SENP6: variants seen among roughly 807,000 people sequenced by gnomAD.
The protein encoded by SENP6 is SUMO specific peptidase 6.
In SENP6, 41 loss-of-function variants were observed where a neutral mutation model predicts 134.5. The ratio of observed to expected loss-of-function variants is 0.30; its 90% confidence interval spans 0.24 to 0.40. SENP6 has a LOEUF of 0.40. Ranked by LOEUF, SENP6 falls within the 10% of genes least tolerant of loss-of-function variation. The pLI is 1.00. For missense variants in SENP6, 1,248 were observed against 1,312.5 expected, an observed-to-expected ratio of 0.95 and a Z score of 0.76; for synonymous variants, 395 against 429.8, an observed-to-expected ratio of 0.92 and a Z score of 1.00.
chr6:75,692,796 A>G (rs1289786385), intron 16 of SENP6, among the ~76,000 whole-genome samples: 3 of 151,752 alleles, frequency 2.0e-5, no homozygotes, highest in Non-Finnish European at 2.9e-5. Context: ...CCCGCCAAAA[A>G]AAAAAAATCT....
In SENP6 at chr6:75,618,824, TCTA is replaced by T. The variant is rs546838861; in HGVS notation, c.53-2704_53-2702del. ...ACAGGGAGAAACCTTGTTTCCATCATCTACTATTTATTTACTTATGTTTTCAAT... is the reference window on the plus strand; with the variant it reads ...ACAGGGAGAAACCTTGTTTCCATCATCTATTTATTTACTTATGTTTTCAAT... On this transcript the variant is annotated intron_variant, in intron 1 of 23. Transcript: ENST00000447266. Among the ~76,000 whole-genome samples, 58 of 152,332 alleles carry T rather than the reference TCTA, an allele frequency of 3.8e-4. No homozygotes were observed. The East Asian group carries it at 0.01, about 27-fold the overall frequency.
intron 19 of SENP6, among the ~76,000 whole-genome samples, chr6:75,704,894 C>G (rs1044215548): frequency 6.6e-6 from 1 of 152,178 alleles, no homozygotes; most frequent in South Asian, 2.1e-4. Context: ...AGCCCTAGAT[C>G]CCTTAAACCT....
At chr6:75,614,034 T>C (rs1358630050) in intron 1 of SENP6, among the ~76,000 whole-genome samples, 1 of 152,198 alleles carries the variant, frequency 6.6e-6, no homozygotes, top group Non-Finnish European at 1.5e-5. Flanking sequence ...GGTGGTTATT[T>C]TGTAGTTTAA....
chr6:75,669,604 A>G (rs967015298), intron 10 of SENP6, among the ~76,000 whole-genome samples: 1 of 152,214 alleles, frequency 6.6e-6, no homozygotes, highest in African/African-American at 2.4e-5. Context: ...AATTAAAATT[A>G]CATACCTATA....
In SENP6 at chr6:75,634,703, G is replaced by T. The variant is rs576175671; in HGVS notation, c.354-4G>T. ...AAGTTATTTTTTGTTTCTTGAATCT[G>T]CAGTGAAAATACGCAAAATACGTCA... On this transcript the variant is annotated splice_polypyrimidine_tract_variant and splice_region_variant and intron_variant, in intron 4 of 23. Coordinates refer to ENST00000447266, the MANE Select transcript of SENP6 (RefSeq NM_015571.4). 1.3e-6 allele frequency: 2 copies of T among 1,516,020 alleles called. No individual in the cohort carries two copies. Among genetic ancestry groups the T allele is most frequent in the East Asian group, 2.3e-5 (1 of 43,212 alleles). 93.9% of individuals were successfully genotyped at this position (1,516,020 alleles called of 1,614,324 possible). A position where few individuals can be genotyped will look rare whatever the true frequency, so the allele number is the denominator to read the frequency against.
At chr6:75,713,428 ATTGT>A in intron 21 of SENP6, 81 bp from the exon 22 acceptor site, 3 of 1,141,346 alleles carry the variant, frequency 2.6e-6, no homozygotes, top group Non-Finnish European at 1.3e-6. Flanking sequence ...TTTAAATTTG[ATTGT>A]TTATAATATG....
chr6:75,646,819 G>C (rs1770483952), intron 6 of SENP6: 1 of 149,946 alleles, frequency 6.7e-6, no homozygotes. Flanking sequence ...CTGGGCGACA[G>C]AGCGAGACTC....
intron 3 of SENP6, among the ~76,000 whole-genome samples, chr6:75,624,729 T>C (rs1582695167): frequency 6.6e-6 from 1 of 152,344 alleles, no homozygotes; most frequent in East Asian, 1.9e-4. Flanking sequence ...ATATTATTCA[T>C]AGGAATTATT....
chr6:75,642,882 C>T (rs1770134950), intron 6 of SENP6, among the ~76,000 whole-genome samples: 1 of 152,140 alleles, frequency 6.6e-6, no homozygotes, highest in African/African-American at 2.4e-5. Context: ...AAAACTATCT[C>T]AGCAAGGTCT....
Position 75,641,745 on chromosome 6 carries a change from A to G in SENP6, c.479+1041A>G, listed in dbSNP as rs560056327. On this transcript the variant is annotated intron_variant, in intron 6 of 23. Coordinates refer to ENST00000447266, the MANE Select transcript of SENP6 (RefSeq NM_015571.4). ...ATAATCTTAGTACTTTGGGAGGGCA[A>G]AGCGGGAGTATCTCTTGAGCCCAGG... is the stretch of plus-strand genomic sequence containing the variant. 9.5e-4 allele frequency among the ~76,000 whole-genome samples: 145 copies of G among 152,280 alleles called. 1 individual carries two copies. Among genetic ancestry groups the G allele is most frequent in the Admixed American group, 1.6e-3 (24 of 15,284 alleles).
intron 6 of SENP6, among the ~76,000 whole-genome samples, chr6:75,644,748 G>A (rs1423423099): frequency 6.6e-6 from 1 of 152,208 alleles, no homozygotes; most frequent in Non-Finnish European, 1.5e-5. Flanking sequence ...GCCTCCCAAA[G>A]TGTTGGGATT....
intron 5 of SENP6, 150 bp from the exon 6 acceptor site, chr6:75,640,534 A>G: frequency 2.9e-6 from 1 of 347,270 alleles, no homozygotes; most frequent in East Asian, 4.5e-5. Flanking sequence ...GACATGACTC[A>G]AAACATAGTA....
Position 75,715,568 on chromosome 6 carries a change from C to A in SENP6, c.3313C>A (p.Gln1105Lys). ...TEAPLGEGTE[Q>K]YVNSISD is the part of the protein sequence containing the mutation. Reference sequence around the variant, plus strand: ...AGCACCTTTAGGCGAAGGAACAGAACAATATGTCAATAGTATCTCAGATTG... The same window carrying A: ...AGCACCTTTAGGCGAAGGAACAGAAAAATATGTCAATAGTATCTCAGATTG... Residue 1105 changes from glutamine (Q) to lysine (K), a missense_variant, in exon 24 of 24, where the codon CAA becomes AAA. Around this residue, in one of 3 missense-constraint regions of SENP6, gnomAD observed 386 missense variants for 395.0 expected, o/e 0.98. Coordinates refer to ENST00000447266, the MANE Select transcript of SENP6 (RefSeq NM_015571.4). 1 of 1,611,622 alleles carries A rather than the reference C, an allele frequency of 6.2e-7. No homozygotes were observed. The highest frequency in any genetic ancestry group is 8.5e-7 in the Non-Finnish European group (1 of 1,178,324).
intron 16 of SENP6, among the ~76,000 whole-genome samples, chr6:75,689,446 T>G (rs933739932): frequency 6.6e-6 from 1 of 151,956 alleles, no homozygotes; most frequent in African/African-American, 2.4e-5. Context: ...AAATAAGTGT[T>G]GATGAGGATG....
At chr6:75,667,746 C>CG (rs2149870617) in intron 10 of SENP6, among the ~76,000 whole-genome samples, 1 of 152,256 alleles carries the variant, frequency 6.6e-6, no homozygotes, top group South Asian at 2.1e-4. Flanking sequence ...TTCCCCAGTA[C>CG]GTAAGGCTTT....
chr6:75,670,695 T>A lies in SENP6; in HGVS notation c.1367T>A (p.Phe456Tyr), dbSNP rs1294545371. Residue 456 changes from phenylalanine to tyrosine, a missense_variant, in exon 11 of 24, where the codon TTC (phenylalanine) becomes TAC (tyrosine). Coordinates refer to ENST00000447266, the MANE Select transcript of SENP6 (RefSeq NM_015571.4). ...NCRSIRVGTL[F>Y]RLLIEPVIFC... Reference sequence around the variant, plus strand: ...CGAAGTATACGAGTAGGAACACTCTTCCGGCTGTTAATAGAGCCTGTAATT... The same window carrying A: ...CGAAGTATACGAGTAGGAACACTCTACCGGCTGTTAATAGAGCCTGTAATT... 6.2e-7 allele frequency: 1 copy of A among 1,611,004 alleles called. No homozygotes were observed. The highest frequency in any genetic ancestry group is 8.5e-7 in the Non-Finnish European group (1 of 1,178,172).
At chr6:75,651,122 T>A (rs932910960) in intron 7 of SENP6, among the ~76,000 whole-genome samples, 1 of 152,138 alleles carries the variant, frequency 6.6e-6, no homozygotes, top group African/African-American at 2.4e-5. Context: ...GCTTTAAAAA[T>A]TTTTTCTAAA....
chr6:75,616,589 A>C (rs1392179239), intron 1 of SENP6, among the ~76,000 whole-genome samples: 2 of 152,040 alleles, frequency 1.3e-5, no homozygotes, highest in Non-Finnish European at 2.9e-5. Flanking sequence ...TTTACTAAAA[A>C]TACAAAATTA....
intron 6 of SENP6, among the ~76,000 whole-genome samples, chr6:75,645,196 C>G (rs768938909): frequency 3.0e-4 from 45 of 152,134 alleles, no homozygotes; most frequent in Non-Finnish European, 5.4e-4. Context: ...GCTTCTCTGC[C>G]TCTGGTTGGT....
Sources: allele counts gnomAD v4.1 joint callset (sites outside exome capture counted in the v4.1 genomes callset), GRCh38; gene constraint gnomAD v4.1.1; regional missense constraint gnomAD v4.1.1; transcripts MANE v1.5; gene names NCBI Gene and HGNC (gene_info 2026-07-23, HGNC 2026-07-21).